Variants in CNTNAP2 observed in about 807,000 individuals in gnomAD.
CNTNAP2 encodes the protein contactin associated protein 2.
In CNTNAP2, 98 loss-of-function variants were observed where a neutral mutation model predicts 155.2. The ratio of observed to expected loss-of-function variants is 0.63; its 90% confidence interval spans 0.54 to 0.75. The LOEUF is 0.75. CNTNAP2 is among the 30% of genes least tolerant of loss of function. CNTNAP2 has a pLI of 0.00. For missense variants in CNTNAP2, 1,727 were observed against 1,688.1 expected (o/e 1.02, Z -0.40); for synonymous variants, 651 against 631.2 (o/e 1.03, Z -0.47).
At chr7:148,187,584 A>G (rs115818781) in intron 18 of CNTNAP2, among the ~76,000 whole-genome samples, 1 of 152,160 alleles carries the variant, frequency 6.6e-6, no homozygotes, top group African/African-American at 2.4e-5. Context: ...CTCGACATCT[A>G]TTTCTATGAG....
At chr7:147,956,572 C>A (rs976660946) in intron 14 of CNTNAP2, among the ~76,000 whole-genome samples, 3 of 152,126 alleles carry the variant, frequency 2.0e-5, no homozygotes, top group Non-Finnish European at 4.4e-5. Context: ...ATGCCCATAT[C>A]GAAGCACATG....
intron 9 of CNTNAP2, among the ~76,000 whole-genome samples, chr7:147,381,253 G>A (rs1796529790): frequency 6.6e-6 from 1 of 152,162 alleles, no homozygotes; most frequent in African/African-American, 2.4e-5. Context: ...AAGACAGGAT[G>A]AGTGAGTTAG....
intron 11 of CNTNAP2, among the ~76,000 whole-genome samples, chr7:147,511,358 A>G (rs897227513): frequency 3.3e-5 from 5 of 152,066 alleles, no homozygotes; most frequent in Admixed American, 2.0e-4. Flanking sequence ...TCATAGAGTA[A>G]TGATTCCACT....
chr7:147,746,678 C>CA (rs1391119370), intron 13 of CNTNAP2, among the ~76,000 whole-genome samples: 1 of 152,040 alleles, frequency 6.6e-6, no homozygotes, highest in Non-Finnish European at 1.5e-5. Flanking sequence ...CCAATGGGAC[C>CA]AATTGTTTTC....
chr7:147,282,470 C>T (rs949786168), intron 8 of CNTNAP2, among the ~76,000 whole-genome samples: 2 of 151,706 alleles, frequency 1.3e-5, no homozygotes, highest in African/African-American at 2.4e-5. Flanking sequence ...TAAGCCATGA[C>T]AGTGGTGAGA....
intron 3 of CNTNAP2, among the ~76,000 whole-genome samples, chr7:146,974,229 T>G (rs374138665): frequency 9.2e-5 from 14 of 152,132 alleles, no homozygotes; most frequent in African/African-American, 3.4e-4. Context: ...GTGGATTACC[T>G]GAGGTCAGGA....
intron 12 of CNTNAP2, among the ~76,000 whole-genome samples, chr7:147,564,136 C>T (rs1329515367): frequency 1.3e-5 from 2 of 151,920 alleles, no homozygotes; most frequent in Non-Finnish European, 1.5e-5. Context: ...CACTACTGCA[C>T]TCCAGTCTAA....
chr7:147,774,784 G>A lies in CNTNAP2; in HGVS notation c.2099-128781G>A, dbSNP rs553163425. On this transcript the variant is annotated intron_variant, in intron 13 of 23. Coordinates refer to ENST00000361727, the MANE Select transcript of CNTNAP2 (RefSeq NM_014141.6). ...AATAAATTTCCGTTAAGACACCCAG[G>A]TTGTGGTATCTTGTTACAGCACCTG... is the stretch of plus-strand genomic sequence containing the variant. Among the ~76,000 whole-genome samples, 5 of 152,198 alleles carry A rather than the reference G, an allele frequency of 3.3e-5. No individual in the cohort carries two copies. In the East Asian group the frequency reaches 9.7e-4, roughly 30 times the overall value.
At chr7:146,447,646 AC>A (rs1473918757) in intron 1 of CNTNAP2, among the ~76,000 whole-genome samples, 2 of 151,990 alleles carry the variant, frequency 1.3e-5, no homozygotes, top group African/African-American at 4.8e-5. Context: ...TGCTTCATTA[AC>A]ACCTGTGCTA....
chr7:147,365,608 A>T (rs1796217383), intron 9 of CNTNAP2, among the ~76,000 whole-genome samples: 1 of 152,094 alleles, frequency 6.6e-6, no homozygotes, highest in Non-Finnish European at 1.5e-5. Context: ...TGGATATTTA[A>T]TATGTCAAAA....
chr7:146,933,604 A>G (rs1356536049), intron 3 of CNTNAP2, among the ~76,000 whole-genome samples: 1 of 148,110 alleles, frequency 6.8e-6, no homozygotes. Context: ...TAATTAAACT[A>G]AAGAGCTTCT....
chr7:148,367,487 AG>A lies in CNTNAP2; in HGVS notation c.3476-16160del, dbSNP rs141101805. On this transcript the variant is annotated intron_variant, in intron 21 of 23. Coordinates refer to ENST00000361727, the MANE Select transcript of CNTNAP2 (RefSeq NM_014141.6). ...ATTACTTTTGATTTTTTTTTAATGG[AG>A]GAAGAAAACCTTGAAAGCAAAAGTG... is the stretch of plus-strand genomic sequence containing the variant. Among the ~76,000 whole-genome samples, 647 of 151,940 alleles carry A rather than the reference AG, an allele frequency of 4.3e-3. 4 individuals carry two copies. Among genetic ancestry groups the A allele is most frequent in the Middle Eastern group, 0.017 (5 of 294 alleles).
chr7:147,419,087 A>G (rs1584937925), intron 10 of CNTNAP2, among the ~76,000 whole-genome samples: 2 of 152,238 alleles, frequency 1.3e-5, no homozygotes, highest in African/African-American at 4.8e-5. Context: ...AATTTCAATG[A>G]GCATTCAAAG....
At chr7:146,928,828 T>C (rs1796672761) in intron 3 of CNTNAP2, among the ~76,000 whole-genome samples, 1 of 152,196 alleles carries the variant, frequency 6.6e-6, no homozygotes, top group African/African-American at 2.4e-5. Context: ...GGAGTCTCGC[T>C]GGTTGCTAGC....
chr7:146,452,856 A>T (rs1256459464), intron 1 of CNTNAP2, among the ~76,000 whole-genome samples: 1 of 152,202 alleles, frequency 6.6e-6, no homozygotes, highest in Non-Finnish European at 1.5e-5. Flanking sequence ...CAACTTAGAG[A>T]AAAGAGAATA....
intron 1 of CNTNAP2, among the ~76,000 whole-genome samples, chr7:146,283,986 CTCTT>C (rs1394557913): frequency 1.6e-4 from 24 of 152,296 alleles, no homozygotes; most frequent in African/African-American, 5.5e-4. Context: ...CCAATACAAA[CTCTT>C]TCTTTGTCAC....
chr7:146,425,009 A>G (rs1796068124), intron 1 of CNTNAP2, among the ~76,000 whole-genome samples: 1 of 152,196 alleles, frequency 6.6e-6, no homozygotes, highest in African/African-American at 2.4e-5. Context: ...ACATTTTATT[A>G]TTAATCACTA....
At position 146,733,097 on chromosome 7, in the gene CNTNAP2, G is replaced by A. The variant is rs938371834; in HGVS notation, c.98-41174G>A. Among the ~76,000 whole-genome samples the A allele has an allele frequency of 5.3e-5, 8 of 152,064 alleles. 1 individual carries two copies. Among genetic ancestry groups the A allele is most frequent in the African/African-American group, 1.9e-4 (8 of 41,428 alleles). The stretch of plus-strand genomic sequence containing the variant: ...TAGAAAAGATATTAATTGGGATTGA[G>A]AATGGAAATCCTATGCTGGCTAAAA... On this transcript the variant is annotated intron_variant, in intron 1 of 23. Coordinates refer to ENST00000361727, the MANE Select transcript of CNTNAP2 (RefSeq NM_014141.6).
chr7:147,457,968 G>T (rs4726860), intron 10 of CNTNAP2, among the ~76,000 whole-genome samples: 1 of 151,904 alleles, frequency 6.6e-6, no homozygotes, highest in Non-Finnish European at 1.5e-5. Context: ...TTTGTATTAG[G>T]GTATTTCTCC....
Sources: gnomAD v4.1 joint callset for allele counts (sites outside exome capture counted in the v4.1 genomes callset) on GRCh38, gnomAD v4.1.1 for gene constraint, MANE v1.5 for transcripts, NCBI Gene and HGNC (gene_info 2026-07-23, HGNC 2026-07-21) for gene names.